The following CDC20B variants were observed in gnomAD, a reference collection of about 807,000 sequenced individuals.
CDC20B encodes cell division cycle 20B.
Under a neutral mutation model 64.1 loss-of-function variants are expected in CDC20B, and 58 were observed. The ratio of observed to expected loss-of-function variants is 0.90; its 90% confidence interval spans 0.73 to 1.13. CDC20B has a LOEUF of 1.13. Among genes scored for constraint, CDC20B ranks in the 50% most tolerant of loss-of-function variants. The pLI is 0.00. For missense variants in CDC20B, 597 were observed against 633.0 expected, an observed-to-expected ratio of 0.94 and a Z score of 0.61; for synonymous variants, 243 against 230.6, an observed-to-expected ratio of 1.05 and a Z score of -0.49.
At chr5:55,120,615 TGC>T in intron 9 of CDC20B, 65 bp from the exon 10 acceptor site, 1 of 1,590,780 alleles carries the variant, frequency 6.3e-7, no homozygotes, top group Non-Finnish European at 8.6e-7. Flanking sequence ...ATGAATGTGA[TGC>T]ACTTAGGTAA....
rs34581363 is a variant in CDC20B at position 55,126,466 on chromosome 5, C to CAAAAAAA, written c.989+784_989+790dup. The stretch of plus-strand genomic sequence containing the variant: ...TAGGTGACAGAGTGAGATTCCATGT[C>CAAAAAAA]AAAAAAAAAAAAAAAAAAAAACAGT... On this transcript the variant is annotated intron_variant, in intron 8 of 11. Coordinates refer to ENST00000381375, the MANE Select transcript of CDC20B (RefSeq NM_001170402.1). 1.6e-3 allele frequency: 153 copies of CAAAAAAA among 98,594 alleles called. 6 individuals are homozygous for CAAAAAAA. In the Middle Eastern group the frequency reaches 0.016, roughly 10 times the overall value. 6.1% of individuals were successfully genotyped at this position (98,594 alleles called of 1,614,324 possible).
intron 9 of CDC20B, among the ~76,000 whole-genome samples, chr5:55,123,412 C>A (rs1742803288): frequency 6.6e-6 from 1 of 152,050 alleles, no homozygotes; most frequent in Admixed American, 6.6e-5. Context: ...TAATCATTTT[C>A]TTAAATATCC....
chr5:55,172,809 A>G, intron 1 of CDC20B, 129 bp downstream of exon 1: 1 of 969,458 alleles, frequency 1.0e-6, no homozygotes, highest in Non-Finnish European at 1.5e-6. Context: ...TAACTAAATT[A>G]CATCACTCAA....
chr5:55,142,516 A>G (rs1049638978), intron 4 of CDC20B, among the ~76,000 whole-genome samples: 3 of 152,188 alleles, frequency 2.0e-5, no homozygotes, highest in Non-Finnish European at 4.4e-5. Flanking sequence ...GTTACCAGAA[A>G]GGATAAGAGG....
At chr5:55,123,835 C>T (rs1742813514) in intron 9 of CDC20B, among the ~76,000 whole-genome samples, 1 of 152,172 alleles carries the variant, frequency 6.6e-6, no homozygotes, top group Non-Finnish European at 1.5e-5. Flanking sequence ...GACCGATCAT[C>T]ATTCTCAATA....
chr5:55,116,021 A>T (rs1164654096), intron 11 of CDC20B, among the ~76,000 whole-genome samples: 1 of 152,220 alleles, frequency 6.6e-6, no homozygotes, highest in Non-Finnish European at 1.5e-5. Flanking sequence ...CTTATTTTAT[A>T]GGTGAGGGAA....
chr5:55,171,944 G>T (rs1411127130), intron 2 of CDC20B, among the ~76,000 whole-genome samples: 2 of 152,186 alleles, frequency 1.3e-5, no homozygotes, highest in Non-Finnish European at 2.9e-5. Context: ...TATTAAAATG[G>T]TGGTGGATTT....
intron 2 of CDC20B, among the ~76,000 whole-genome samples, chr5:55,153,825 T>G (rs1743739788): frequency 6.6e-6 from 1 of 152,170 alleles, no homozygotes; most frequent in Admixed American, 6.6e-5. Context: ...TTATTTAGAT[T>G]TTTTTTCTTC....
At chr5:55,140,488 AC>A in intron 4 of CDC20B, 81 bp from the exon 5 acceptor site, 4 of 876,540 alleles carry the variant, frequency 4.6e-6, no homozygotes, top group Non-Finnish European at 7.1e-6. Flanking sequence ...ATATAGAATT[AC>A]AACTGGTAAT....
chr5:55,133,546 T>A lies in CDC20B; in HGVS notation c.581-18A>T. On this transcript the variant is annotated intron_variant, in intron 5 of 11. Transcript: ENST00000381375. Reference sequence around the variant, plus strand: ...TTTGCAGCCTACAAGAAACAAACACTTCTACACAGCTCTAAGATCCTGAAA... The same window carrying A: ...TTTGCAGCCTACAAGAAACAAACACATCTACACAGCTCTAAGATCCTGAAA... 1 of 1,117,788 alleles carries A rather than the reference T, an allele frequency of 8.9e-7. No homozygotes were observed. Among genetic ancestry groups the A allele is most frequent in the Non-Finnish European group, 1.3e-6 (1 of 768,542 alleles). 69.2% of individuals were successfully genotyped at this position (1,117,788 alleles called of 1,614,324 possible).
chr5:55,162,928 A>G (rs1192732441), intron 2 of CDC20B, among the ~76,000 whole-genome samples: 3 of 152,192 alleles, frequency 2.0e-5, no homozygotes, highest in African/African-American at 7.2e-5. Context: ...AAAGGCCCGT[A>G]TATCAATCCT....
chr5:55,121,530 C>T (rs188099139), intron 9 of CDC20B, among the ~76,000 whole-genome samples: 57 of 151,752 alleles, frequency 3.8e-4, no homozygotes, highest in African/African-American at 1.3e-3. Context: ...TGTTTTTGTG[C>T]GTGTGTTTTA....
intron 2 of CDC20B, chr5:55,166,358 C>T (rs977098141): frequency 1.1e-4 from 17 of 152,268 alleles, no homozygotes; most frequent in African/African-American, 4.1e-4. Flanking sequence ...TCTCTCTAAT[C>T]TTGGCTGCCT....
In CDC20B at chr5:55,170,503, T is replaced by C. The variant is rs780523800; in HGVS notation, c.126+2085A>G. ...AAAGTACACATAAACACACACTAAT[T>C]ACAGATTCAGTTACACTCTGATGTT... On this transcript the variant is annotated intron_variant, in intron 2 of 11. Coordinates refer to ENST00000381375, the MANE Select transcript of CDC20B (RefSeq NM_001170402.1). The C allele has an allele frequency of 9.4e-6, 5 of 534,096 alleles. No individual in the cohort carries two copies. The Admixed American group carries it at 9.7e-5, about 10-fold the overall frequency. 33.1% of individuals were successfully genotyped at this position (534,096 alleles called of 1,614,324 possible). A position where few individuals can be genotyped will look rare whatever the true frequency, so the allele number is the denominator to read the frequency against.
At position 55,113,202 on chromosome 5, in the gene CDC20B, T is replaced by C. The variant is rs1036875952; in HGVS notation, c.*1016A>G. The C allele has an allele frequency of 1.5e-4, 23 of 152,180 alleles. No individual in the cohort carries two copies. Among genetic ancestry groups the C allele is most frequent in the African/African-American group, 5.3e-4 (22 of 41,440 alleles). 9.4% of individuals were successfully genotyped at this position (152,180 alleles called of 1,614,324 possible). ...TCACAAGACTTAGCCAAAGTCTTAA[T>C]ATAGGAGATGAATGTGAATTAACAT... On this transcript the variant is annotated 3_prime_UTR_variant, in exon 12 of 12. Coordinates refer to ENST00000381375, the MANE Select transcript of CDC20B (RefSeq NM_001170402.1).
At chr5:55,119,145 T>C (rs2111795470) in intron 11 of CDC20B, among the ~76,000 whole-genome samples, 1 of 152,314 alleles carries the variant, frequency 6.6e-6, no homozygotes, top group South Asian at 2.1e-4. Context: ...TACAAGAGAT[T>C]GGATGCCGGT....
intron 5 of CDC20B, chr5:55,137,381 G>T: frequency 2.9e-6 from 1 of 346,262 alleles, no homozygotes. Flanking sequence ...GCTGCCTGCT[G>T]TAAGGTTTCA....
intron 11 of CDC20B, among the ~76,000 whole-genome samples, chr5:55,115,885 C>T (rs1742610679): frequency 6.6e-6 from 1 of 152,182 alleles, no homozygotes; most frequent in Non-Finnish European, 1.5e-5. Context: ...CAAGCACACA[C>T]ACACACACGC....
At chr5:55,127,392 T>G (rs200385932) in intron 7 of CDC20B, 41 bp from the exon 8 acceptor site, 57 of 1,508,800 alleles carry the variant, frequency 3.8e-5, no homozygotes, top group Admixed American at 1.3e-4. Flanking sequence ...CATTGGAGTT[T>G]TCACAGCCCA....
Sources: allele counts gnomAD v4.1 joint callset (sites outside exome capture counted in the v4.1 genomes callset), GRCh38; gene constraint gnomAD v4.1.1; transcripts MANE v1.5; gene names NCBI Gene and HGNC (gene_info 2026-07-23, HGNC 2026-07-21).